AKAP8L: variants seen among roughly 807,000 people sequenced by gnomAD.
The protein encoded by AKAP8L is A-kinase anchoring protein 8 like, also known as A-kinase anchor protein 8-like.
In AKAP8L, 34 loss-of-function variants were observed where a neutral mutation model predicts 77.5. The observed-to-expected ratio is 0.44, with a 90% CI of 0.33 to 0.58. The LOEUF (loss-of-function observed/expected upper bound fraction) is 0.58, where lower values mean the gene tolerates loss of function less well. Ranked by LOEUF, AKAP8L falls within the 20% of genes least tolerant of loss-of-function variation. The pLI, the probability that AKAP8L is intolerant of heterozygous loss-of-function variation, is 0.02. For synonymous variants in AKAP8L, 342 were observed against 340.7 expected, an observed-to-expected ratio of 1.00 and a Z score of -0.04; for missense variants, 806 against 887.6, an observed-to-expected ratio of 0.91 and a Z score of 1.17.
intron 2 of AKAP8L, 153 bp from the exon 3 acceptor site, chr19:15,404,195 G>C: frequency 1.5e-6 from 1 of 681,062 alleles, no homozygotes; most frequent in Non-Finnish European, 2.5e-6. Flanking sequence ...CTGCGCAAAT[G>C]ACCCAGGCCA....
rs372789644 is a variant in AKAP8L, at chr19:15,380,437, G to C, written c.1633-7C>G. ...CGGTGAAAGGGTTCTCGCCCTGTGGGGAGGGGCGCGGACACTGAAGGGAGG... is the reference window on the plus strand; with the variant it reads ...CGGTGAAAGGGTTCTCGCCCTGTGGCGAGGGGCGCGGACACTGAAGGGAGG... On this transcript the variant is annotated splice_polypyrimidine_tract_variant and splice_region_variant and intron_variant, in intron 13 of 13. Coordinates refer to ENST00000397410, the MANE Select transcript of AKAP8L (RefSeq NM_014371.4). 5.6e-6 allele frequency: 9 copies of C among 1,608,296 alleles called. No homozygotes were observed. The highest frequency in any genetic ancestry group is 1.3e-5 in the African/African-American group (1 of 74,870).
chr19:15,404,155 C>T, intron 2 of AKAP8L, 113 bp from the exon 3 acceptor site: 1 of 1,097,104 alleles, frequency 9.1e-7, no homozygotes, highest in South Asian at 1.4e-5. Flanking sequence ...CTGCACCTCC[C>T]CTAACCGAGA....
chr19:15,413,164 AG>A (rs1437383386), intron 1 of AKAP8L, among the ~76,000 whole-genome samples: 5 of 152,228 alleles, frequency 3.3e-5, no homozygotes, highest in African/African-American at 1.2e-4. Flanking sequence ...CAATAAGGGC[AG>A]GTGGGCAAGA....
intron 2 of AKAP8L, among the ~76,000 whole-genome samples, chr19:15,409,432 T>C (rs1396074638): frequency 6.6e-6 from 1 of 152,212 alleles, no homozygotes; most frequent in Non-Finnish European, 1.5e-5. Context: ...TTCAAAATAT[T>C]TTAAGTCTTC....
At chr19:15,410,770 G>A (rs1350291813) in intron 1 of AKAP8L, among the ~76,000 whole-genome samples, 176 bp from the exon 2 acceptor site, 1 of 152,138 alleles carries the variant, frequency 6.6e-6, no homozygotes, top group Non-Finnish European at 1.5e-5. Context: ...CAATGGAAAG[G>A]CAGGCTATGT....
At chr19:15,412,588 T>C (rs1426263260) in intron 1 of AKAP8L, among the ~76,000 whole-genome samples, 3 of 152,056 alleles carry the variant, frequency 2.0e-5, no homozygotes, top group Non-Finnish European at 4.4e-5. Flanking sequence ...TCGCACTAGG[T>C]TGGAGTGCAG....
chr19:15,412,444 C>T (rs1378276905), intron 1 of AKAP8L, among the ~76,000 whole-genome samples: 3 of 152,102 alleles, frequency 2.0e-5, no homozygotes, highest in Admixed American at 1.3e-4. Context: ...AAACTTCTAC[C>T]TCTATCAGAA....
chr19:15,399,513 T>C lies in AKAP8L; in HGVS notation c.1049-103A>G. The C allele has an allele frequency of 5.9e-6, 5 of 846,510 alleles. No individual in the cohort carries two copies. Among genetic ancestry groups the C allele is most frequent in the Admixed American group, 5.6e-5 (3 of 53,282 alleles). The allele number at this position is 846,510 out of a possible 1,614,324, so 52.4% of individuals were successfully genotyped here. A position where few individuals can be genotyped will look rare whatever the true frequency, so the allele number is the denominator to read the frequency against. ...CCCACTGTCCACTCCAGAGGGTCCATCGAGAATAGCTGTCCAAGCAAGGCC... is the reference window on the plus strand; with the variant it reads ...CCCACTGTCCACTCCAGAGGGTCCACCGAGAATAGCTGTCCAAGCAAGGCC... On this transcript the variant is annotated intron_variant, in intron 8 of 13. Coordinates refer to ENST00000397410, the MANE Select transcript of AKAP8L (RefSeq NM_014371.4). This position sits in a 1 kb window ranked among gnomAD's most constrained non-coding sequence, Gnocchi z 6.1.
At chr19:15,418,468 G>T (rs1968256654) in intron 1 of AKAP8L, among the ~76,000 whole-genome samples, 1 of 152,188 alleles carries the variant, frequency 6.6e-6, no homozygotes, top group Non-Finnish European at 1.5e-5. Context: ...TCGGGATGGG[G>T]GTGTAGAGCT....
At position 15,400,858 on chromosome 19, in the gene AKAP8L, C is replaced by G; in HGVS notation, c.920G>C (p.Gly307Ala). The G allele has an allele frequency of 1.2e-6, 2 of 1,614,012 alleles. No individual in the cohort carries two copies. The highest frequency in any genetic ancestry group is 1.7e-6 in the Non-Finnish European group (2 of 1,179,886). Residue 307 changes from glycine (G) to alanine (A), a missense_variant, in exon 7 of 14, where the codon GGC becomes GCC. Gly to Ala is a moderately conservative substitution (Grantham distance 60). Around this residue, in one of 2 missense-constraint regions of AKAP8L, gnomAD observed 580 missense variants for 694.1 expected, o/e 0.84. Transcript: ENST00000397410. ...SDNSDSDNDEGTEGEATEGLE... is the reference protein window; with the variant it reads ...SDNSDSDNDEATEGEATEGLE... ...GCCCTCTGTGGCTTCCCCCTCGGTG[C>G]CCTCATCTGAAAGGGAAAAGGAGGT...
At chr19:15,390,795 A>G (rs1015102017) in intron 12 of AKAP8L, among the ~76,000 whole-genome samples, 2 of 152,234 alleles carry the variant, frequency 1.3e-5, no homozygotes, top group African/African-American at 2.4e-5. Flanking sequence ...ACATACTGTA[A>G]CAACACAATT....
intron 2 of AKAP8L, among the ~76,000 whole-genome samples, chr19:15,405,862 C>T (rs1967986279): frequency 6.6e-6 from 1 of 151,746 alleles, no homozygotes; most frequent in South Asian, 2.1e-4. Flanking sequence ...GTGGAGGTTG[C>T]AGCGAGCCAA....
rs2145129015 is a variant in AKAP8L at position 15,398,851 on chromosome 19, A to G, written c.1157+451T>C. The G allele has an allele frequency of 1.0e-6, 1 of 1,004,580 alleles. No individual in the cohort carries two copies. Among genetic ancestry groups the G allele is most frequent in the East Asian group, 9.5e-5 (1 of 10,566 alleles). The allele number at this position is 1,004,580 out of a possible 1,614,324, so 62.2% of individuals were successfully genotyped here. A position where few individuals can be genotyped will look rare whatever the true frequency, so the allele number is the denominator to read the frequency against. ...CTGACAGGGCCGGCGGGCAGGGCAGAAGGCAGGCCCGAGGCTGCCACAGCC... is the reference window on the plus strand; with the variant it reads ...CTGACAGGGCCGGCGGGCAGGGCAGGAGGCAGGCCCGAGGCTGCCACAGCC... On this transcript the variant is annotated intron_variant, in intron 9 of 13. Coordinates refer to ENST00000397410, the MANE Select transcript of AKAP8L (RefSeq NM_014371.4). This position sits in a 1 kb window ranked among gnomAD's most constrained non-coding sequence, Gnocchi z 9.2.
chr19:15,411,917 A>T (rs1303749211), intron 1 of AKAP8L, among the ~76,000 whole-genome samples: 1 of 152,014 alleles, frequency 6.6e-6, no homozygotes, highest in Non-Finnish European at 1.5e-5. Flanking sequence ...AGCTACTAAA[A>T]ATACAAAAAT....
chr19:15,409,117 T>C (rs972650943), intron 2 of AKAP8L, among the ~76,000 whole-genome samples: 10 of 152,110 alleles, frequency 6.6e-5, no homozygotes, highest in African/African-American at 9.7e-5. Flanking sequence ...AGCAAAACCA[T>C]CATCTATTAA....
rs745367451 is a variant in AKAP8L at position 15,401,052 on chromosome 19, T to A, written c.817-9A>T. 1.2e-6 allele frequency: 2 copies of A among 1,611,844 alleles called. No homozygotes were observed. Among genetic ancestry groups the A allele is most frequent in the Non-Finnish European group, 1.7e-6 (2 of 1,179,834 alleles). On this transcript the variant is annotated splice_polypyrimidine_tract_variant and intron_variant, in intron 5 of 13. Transcript: ENST00000397410. The surrounding 1 kb of genome is among the most constrained non-coding windows in gnomAD (Gnocchi z 6.2). ...CTCTTCTTCTTCTTGGTCTGGGTCA[T>A]AAGGGGGGGAAGCCGTGTCAGGGTG...
rs556299742 is a variant in AKAP8L at position 15,400,970 on chromosome 19, G to A, written c.890C>T (p.Ser297Leu). ...PDSKATRTDC[S>L]DNSDSDNDEG... The stretch of plus-strand genomic sequence containing the variant: ...ACCATTGTCTGAGTCGCTGTTGTCC[G>A]AGCAGTCCGTGCGGGTGGCTTTGCT... Residue 297 changes from serine (S) to leucine (L), a missense_variant, in exon 6 of 14, where the codon TCG becomes TTG. Physicochemically the swap from Ser to Leu is moderately radical, Grantham distance 145. Coordinates refer to ENST00000397410, the MANE Select transcript of AKAP8L (RefSeq NM_014371.4). 7.4e-6 allele frequency: 12 copies of A among 1,613,836 alleles called. No individual in the cohort carries two copies. The East Asian group carries it at 1.1e-4, about 15-fold the overall frequency.
chr19:15,403,885 G>C lies in AKAP8L; in HGVS notation c.121+125C>G. The C allele has an allele frequency of 8.2e-7, 1 of 1,215,274 alleles. No individual in the cohort carries two copies. Among genetic ancestry groups the C allele is most frequent in the South Asian group, 1.4e-5 (1 of 73,320 alleles). 75.3% of individuals were successfully genotyped at this position (1,215,274 alleles called of 1,614,324 possible). A position where few individuals can be genotyped will look rare whatever the true frequency, so the allele number is the denominator to read the frequency against. ...ATTCTGATGAGGGCCTCCTGTTAAG[G>C]AGTAGGTAACCCCAGAAACATGCCC... On this transcript the variant is annotated intron_variant, in intron 3 of 13. Coordinates refer to ENST00000397410, the MANE Select transcript of AKAP8L (RefSeq NM_014371.4). This position sits in a 1 kb window ranked among gnomAD's most constrained non-coding sequence, Gnocchi z 4.3.
In AKAP8L at chr19:15,401,226, C is replaced by T. The variant is rs1242829689; in HGVS notation, c.740G>A (p.Arg247His). ...RGGGAFPGGSRFGFGFGNGMK... is the reference protein window; with the variant it reads ...RGGGAFPGGSHFGFGFGNGMK... ...GCCATTGCCAAACCCGAAACCAAAG[C>T]GGGAGCCGCCCGGGAAGGCGCCCCC... Residue 247 changes from arginine to histidine, a missense_variant, in exon 5 of 14, where the codon CGC becomes CAC. Arg to His is a conservative substitution (Grantham distance 29, BLOSUM62 0). Around this residue, in one of 2 missense-constraint regions of AKAP8L, gnomAD observed 580 missense variants for 694.1 expected, o/e 0.84. Transcript: ENST00000397410. This position sits in a 1 kb window ranked among gnomAD's most constrained non-coding sequence, Gnocchi z 6.2. 3.1e-6 allele frequency: 5 copies of T among 1,612,994 alleles called. No individual in the cohort carries two copies. Among genetic ancestry groups the T allele is most frequent in the East Asian group, 2.2e-5 (1 of 44,876 alleles).
Sources: allele counts gnomAD v4.1 joint callset (sites outside exome capture counted in the v4.1 genomes callset), GRCh38; gene constraint gnomAD v4.1.1; regional missense constraint gnomAD v4.1.1; non-coding constraint Gnocchi (gnomAD v3.1); transcripts MANE v1.5; gene names NCBI Gene and HGNC (gene_info 2026-07-23, HGNC 2026-07-21).